Variants in ALPK2 observed in about 807,000 individuals in gnomAD.
The protein encoded by ALPK2 is alpha-protein kinase 2.
Under a neutral mutation model 163.1 loss-of-function variants are expected in ALPK2, and 127 were observed. That is an observed-to-expected ratio of 0.78 (90% confidence interval 0.67 to 0.90). The LOEUF (loss-of-function observed/expected upper bound fraction) is 0.90, where lower values mean the gene tolerates loss of function less well. Among genes scored for constraint, ALPK2 ranks in the 40% least tolerant of loss-of-function variants. The pLI is 0.00. For missense variants in ALPK2, 2,360 were observed against 2,589.6 expected, an observed-to-expected ratio of 0.91 and a Z score of 1.92; for synonymous variants, 953 against 959.1, an observed-to-expected ratio of 0.99 and a Z score of 0.12.
chr18:58,617,289 C>T (rs568680577), intron 1 of ALPK2, among the ~76,000 whole-genome samples: 18 of 152,116 alleles, frequency 1.2e-4, no homozygotes, highest in African/African-American at 2.4e-4. Flanking sequence ...CGGGTTCAAG[C>T]GATTCTCCTG....
rs944847670 is a variant in ALPK2, at chr18:58,578,935, G to T, written c.1841C>A (p.Thr614Asn). Residue 614 changes from threonine to asparagine, a missense_variant, in exon 4 of 13, where the codon ACC (threonine) becomes AAC (asparagine). Transcript: ENST00000361673. ...ISTQAEQEAKTLQTSTDSVSK... is the reference protein window; with the variant it reads ...ISTQAEQEAKNLQTSTDSVSK... ...GACTGAGTCTGTTGAAGTTTGAAGG[G>T]TTTTTGCTTCTTGCTCTGCCTGGGT... is the stretch of plus-strand genomic sequence containing the variant. 3 of 1,614,066 alleles carry T rather than the reference G, an allele frequency of 1.9e-6. No individual in the cohort carries two copies. The highest frequency in any genetic ancestry group is 1.6e-4 in the Middle Eastern group (1 of 6,084).
intron 4 of ALPK2, among the ~76,000 whole-genome samples, chr18:58,558,935 G>C (rs928251549): frequency 6.6e-6 from 1 of 152,178 alleles, no homozygotes; most frequent in Admixed American, 6.5e-5. Flanking sequence ...GAAGGGGAGA[G>C]GAAGTGACTG....
chr18:58,543,370 C>T, intron 4 of ALPK2: 2 of 985,424 alleles, frequency 2.0e-6, no homozygotes, highest in Non-Finnish European at 2.4e-6. Flanking sequence ...GTGCACCAGA[C>T]CTCAGGCGGC....
chr18:58,517,046 G>A lies in ALPK2; in HGVS notation c.5802C>T (p.Phe1934=). ...TGAGGCCGTGCATCACTGTGCTGCG[G>A]AAGGCTTTGCGGTGAACCCCTTCTC... ...HFGEGVHRKA[F]RSTVMHGLMP... Residue 1934 remains phenylalanine, a synonymous_variant, in exon 9 of 13, where the codon TTC becomes TTT. Transcript: ENST00000361673. The A allele has an allele frequency of 1.2e-6, 2 of 1,614,244 alleles. No homozygotes were observed. Among genetic ancestry groups the A allele is most frequent in the Non-Finnish European group, 1.7e-6 (2 of 1,180,034 alleles).
At chr18:58,604,136 A>G (rs935019859) in intron 3 of ALPK2, among the ~76,000 whole-genome samples, 7 of 152,296 alleles carry the variant, frequency 4.6e-5, no homozygotes, top group African/African-American at 1.7e-4. Flanking sequence ...GATTTGTTAA[A>G]CCAAAAAAGC....
chr18:58,505,797 A>T (rs2051458952), intron 10 of ALPK2, among the ~76,000 whole-genome samples: 1 of 152,058 alleles, frequency 6.6e-6, no homozygotes, highest in Admixed American at 6.6e-5. Flanking sequence ...CACGACCATC[A>T]TGCTGTTAAG....
chr18:58,535,422 C>T lies in ALPK2; in HGVS notation c.4765G>A (p.Gly1589Arg). The change falls in exon 5 of 13, where the codon GGA becomes AGA. Residue 1589 changes from glycine (G) to arginine (R), a missense_variant. Coordinates refer to ENST00000361673, the MANE Select transcript of ALPK2 (RefSeq NM_052947.4). ...TTCCCACGCTCATTCTCAATAGTTC[C>T]CCTTTTCTGTGAAACAGGAAACACA... ...QYVFPVSQKR[G>R]TIENERGKPL... 1 of 1,614,186 alleles carries T rather than the reference C, an allele frequency of 6.2e-7. No individual in the cohort carries two copies.
intron 9 of ALPK2, 147 bp from the exon 10 acceptor site, chr18:58,515,228 A>G (rs1348871697): frequency 7.2e-6 from 4 of 554,292 alleles, no homozygotes; most frequent in Non-Finnish European, 1.2e-5. Flanking sequence ...AGAGGCAACG[A>G]TTATTAGAAC....
At chr18:58,485,991 A>G (rs1171709909) in intron 12 of ALPK2, among the ~76,000 whole-genome samples, 1 of 152,242 alleles carries the variant, frequency 6.6e-6, no homozygotes, top group Non-Finnish European at 1.5e-5. Flanking sequence ...GACCTCCCAG[A>G]AAGATCACCA....
At chr18:58,503,646 C>T (rs905183592) in intron 11 of ALPK2, among the ~76,000 whole-genome samples, 6 of 152,184 alleles carry the variant, frequency 3.9e-5, no homozygotes, top group African/African-American at 1.4e-4. Context: ...CTGCAGTAAG[C>T]TATGATCGTG....
chr18:58,497,958 C>T, intron 12 of ALPK2, 91 bp downstream of exon 12: 1 of 1,147,922 alleles, frequency 8.7e-7, no homozygotes, highest in Non-Finnish European at 1.3e-6. Context: ...ACAAGAAATT[C>T]ACTTTGCCCA....
At chr18:58,623,552 G>A (rs112184022) in intron 1 of ALPK2, among the ~76,000 whole-genome samples, 5,567 of 150,680 alleles carry the variant, frequency 0.037, 315 homozygotes, top group African/African-American at 0.13. Context: ...TGCAACCCCT[G>A]CCTCCTGGGC....
intron 10 of ALPK2, among the ~76,000 whole-genome samples, chr18:58,514,410 C>A (rs1156993126): frequency 6.6e-6 from 1 of 152,152 alleles, no homozygotes; most frequent in Non-Finnish European, 1.5e-5. Context: ...CTCAACCAGA[C>A]AAAACAGAGC....
chr18:58,584,145 G>A (rs2051974392), intron 3 of ALPK2, among the ~76,000 whole-genome samples: 2 of 152,250 alleles, frequency 1.3e-5, no homozygotes, highest in Admixed American at 1.3e-4. Flanking sequence ...TATGAAACAT[G>A]TTTTAGTTGA....
intron 4 of ALPK2, among the ~76,000 whole-genome samples, chr18:58,557,798 A>T (rs930262674): frequency 6.6e-6 from 1 of 152,048 alleles, no homozygotes; most frequent in African/African-American, 2.4e-5. Context: ...AATAGCTTTT[A>T]AAAAATTACA....
chr18:58,626,093 T>C (rs774125869), intron 1 of ALPK2, among the ~76,000 whole-genome samples: 14 of 152,374 alleles, frequency 9.2e-5, no homozygotes, highest in Middle Eastern at 3.4e-3. Flanking sequence ...TAACGTATCC[T>C]GGGTTCCTTG....
intron 4 of ALPK2, among the ~76,000 whole-genome samples, chr18:58,542,790 G>A (rs771380974): frequency 2.0e-5 from 3 of 152,204 alleles, no homozygotes; most frequent in Non-Finnish European, 2.9e-5. Flanking sequence ...GCCAGGAGTA[G>A]GTGGTCAGCA....
At chr18:58,620,298 A>G (rs541701082) in intron 1 of ALPK2, among the ~76,000 whole-genome samples, 21 of 152,232 alleles carry the variant, frequency 1.4e-4, no homozygotes, top group African/African-American at 5.1e-4. Flanking sequence ...CTCAAAACAA[A>G]AAAACAAACA....
At chr18:58,563,727 A>G (rs1240355288) in intron 4 of ALPK2, among the ~76,000 whole-genome samples, 2 of 152,242 alleles carry the variant, frequency 1.3e-5, no homozygotes, top group African/African-American at 4.8e-5. Context: ...TAGTCCAAAG[A>G]ATATTGTACC....
Sources: allele counts gnomAD v4.1 joint callset (sites outside exome capture counted in the v4.1 genomes callset), GRCh38; gene constraint gnomAD v4.1.1; transcripts MANE v1.5; gene names NCBI Gene and HGNC (gene_info 2026-07-23, HGNC 2026-07-21).